GSE1: variants seen among roughly 807,000 people sequenced by gnomAD.
GSE1 encodes Gse1 coiled-coil protein.
GSE1 carries 32 observed loss-of-function variants against 112.6 expected under a neutral mutation model. The observed-to-expected ratio is 0.28, with a 90% CI of 0.21 to 0.38. The LOEUF is 0.38. Ranked by LOEUF, GSE1 falls within the 10% of genes least tolerant of loss-of-function variation. The probability of loss-of-function intolerance (pLI) is 1.00; values close to 1 mark genes in which losing one functional copy is unlikely to be tolerated. For synonymous variants in GSE1, 1,115 were observed against 735.6 expected (o/e 1.52, Z -8.35); for missense variants, 2,348 against 1,699.2 (o/e 1.38, Z -6.71).
intron 1 of GSE1, among the ~76,000 whole-genome samples, chr16:85,189,691 A>G (rs1382957192): frequency 6.6e-6 from 1 of 152,250 alleles, no homozygotes; most frequent in Non-Finnish European, 1.5e-5. Context: ...GTCTTGATGT[A>G]CTGACAATGA....
intron 2 of GSE1, chr16:85,463,241 C>T (rs2050026511): frequency 3.0e-6 from 1 of 332,840 alleles, no homozygotes. Flanking sequence ...CCCAGCCTCG[C>T]CCTCCAGCCC....
chr16:85,626,790 G>A (rs778310916), intron 1 of GSE1, among the ~76,000 whole-genome samples: 32 of 152,098 alleles, frequency 2.1e-4, no homozygotes, highest in East Asian at 3.9e-4. Flanking sequence ...CCGGGAGGGC[G>A]GCTGGCACGC....
chr16:85,521,242 G>A (rs2052175847), intron 2 of GSE1, among the ~76,000 whole-genome samples: 2 of 152,180 alleles, frequency 1.3e-5, no homozygotes, highest in African/African-American at 4.8e-5. Context: ...GTGGGAGCTG[G>A]TTTTCTGTTT....
intron 2 of GSE1, among the ~76,000 whole-genome samples, chr16:85,465,597 C>T (rs978398077): frequency 5.3e-5 from 8 of 152,158 alleles, no homozygotes; most frequent in African/African-American, 1.2e-4. Flanking sequence ...CTCTCCCTAC[C>T]GTCTCCCCAT....
At chr16:85,549,437 C>T (rs557427480) in intron 2 of GSE1, among the ~76,000 whole-genome samples, 2 of 152,184 alleles carry the variant, frequency 1.3e-5, no homozygotes, top group Non-Finnish European at 2.9e-5. Flanking sequence ...CTCGGCCTCC[C>T]AAAGTGTTGG....
chr16:85,417,367 C>A (rs1047242060), intron 2 of GSE1, among the ~76,000 whole-genome samples: 28 of 151,792 alleles, frequency 1.8e-4, no homozygotes, highest in African/African-American at 5.8e-4. Flanking sequence ...ACCTGCACAG[C>A]CTGTCAGGCC....
chr16:85,669,297 A>G (rs191561715), intron 14 of GSE1, among the ~76,000 whole-genome samples: 5 of 152,384 alleles, frequency 3.3e-5, no homozygotes, highest in Admixed American at 6.5e-5. Context: ...AACATGTCCT[A>G]GAGGACTCTT....
At chr16:85,494,801 G>A (rs2051118197) in intron 2 of GSE1, among the ~76,000 whole-genome samples, 3 of 152,228 alleles carry the variant, frequency 2.0e-5, no homozygotes. Flanking sequence ...GGGCTTTACA[G>A]CTCACCAAGT....
intron 2 of GSE1, among the ~76,000 whole-genome samples, chr16:85,362,258 A>G (rs2047098391): frequency 6.6e-6 from 1 of 151,712 alleles, no homozygotes. Flanking sequence ...TCTTTCCAAT[A>G]CTCTTCGGCC....
chr16:85,358,578 G>C (rs1430131528), intron 2 of GSE1, among the ~76,000 whole-genome samples: 3 of 152,198 alleles, frequency 2.0e-5, no homozygotes, highest in Non-Finnish European at 4.4e-5. Context: ...GGGACTGCTG[G>C]GGGCCTGGGG....
chr16:85,221,829 TG>T (rs2075398702), intron 1 of GSE1, among the ~76,000 whole-genome samples: 1 of 149,876 alleles, frequency 6.7e-6, no homozygotes, highest in Non-Finnish European at 1.5e-5. Flanking sequence ...TTGCCGGGGC[TG>T]GGGGCCAGAG....
chr16:85,636,580 C>CG (rs1567692445), intron 2 of GSE1, among the ~76,000 whole-genome samples: 1 of 152,208 alleles, frequency 6.6e-6, no homozygotes, highest in African/African-American at 2.4e-5. Flanking sequence ...GCAGCCCTCC[C>CG]GGGACCCTCG....
intron 1 of GSE1, chr16:85,580,094 G>A (rs1413870329): frequency 6.6e-6 from 1 of 152,280 alleles, no homozygotes; most frequent in Non-Finnish European, 1.5e-5. Flanking sequence ...GGGACAACCA[G>A]AGAGGGCCTC....
At chr16:85,634,222 C>T (rs2049796078) in intron 2 of GSE1, 90 bp downstream of exon 2, 5 of 891,014 alleles carry the variant, frequency 5.6e-6, no homozygotes, top group South Asian at 3.9e-5. Context: ...ACGCTCACAG[C>T]AGGTCTCGTC....
intron 2 of GSE1, among the ~76,000 whole-genome samples, chr16:85,426,064 T>TGGATGGATGGATGGATGGAA (rs1457096621): frequency 9.6e-5 from 13 of 135,334 alleles, no homozygotes; most frequent in African/African-American, 3.6e-4. Flanking sequence ...GATGGATGGA[T>TGGATGGATGGATGGATGGAA]GGATGGATGG....
chr16:85,666,234 A>C lies in GSE1; in HGVS notation c.3017A>C (p.His1006Pro), dbSNP rs1311591962. The C allele has an allele frequency of 5.0e-6, 8 of 1,613,684 alleles. No individual in the cohort carries two copies. The highest frequency in any genetic ancestry group is 6.8e-6 in the Non-Finnish European group (8 of 1,180,054). The change falls in exon 13 of 16, where the codon CAC becomes CCC. Residue 1006 changes from histidine to proline, a missense_variant. Transcript: ENST00000253458. ...AAGGACATTCCTGTGCCGCTGTCCC[A>C]CAGCACCAATGGGAAGAGCAAGCCG... ...APKDIPVPLS[H>P]STNGKSKPWE...
intron 1 of GSE1, among the ~76,000 whole-genome samples, chr16:85,336,589 C>A (rs2151529756): frequency 6.6e-6 from 1 of 151,794 alleles, no homozygotes; most frequent in South Asian, 2.1e-4. Flanking sequence ...ACAGGACACA[C>A]ACATGCCCTC....
intron 1 of GSE1, among the ~76,000 whole-genome samples, chr16:85,301,572 C>A (rs1036290305): frequency 6.6e-6 from 1 of 152,266 alleles, no homozygotes; most frequent in African/African-American, 2.4e-5. Context: ...GTTGCTGGGG[C>A]CAGTGTGGGA....
chr16:85,170,522 A>G (rs931831374), exon 1 of GSE1: 5 of 985,710 alleles, frequency 5.1e-6, no homozygotes, highest in African/African-American at 3.5e-5. Flanking sequence ...GAAGAGGACC[A>G]CAAGGAACAG....
Sources: gnomAD v4.1 joint callset for allele counts (sites outside exome capture counted in the v4.1 genomes callset) on GRCh38, gnomAD v4.1.1 for gene constraint, MANE v1.5 for transcripts, NCBI Gene and HGNC (gene_info 2026-07-23, HGNC 2026-07-21) for gene names.